Variants in DBNL observed in about 807,000 individuals in gnomAD.
The protein encoded by DBNL is drebrin-like protein.
Under a neutral mutation model 62.2 loss-of-function variants are expected in DBNL, and 35 were observed. The ratio of observed to expected loss-of-function variants is 0.56; its 90% CI spans 0.43 to 0.75. The LOEUF is 0.75. Ranked by LOEUF, DBNL falls within the 30% of genes least tolerant of loss-of-function variation. DBNL has a pLI of 0.00. For missense variants in DBNL, 495 were observed against 578.4 expected (o/e 0.86, Z 1.48); for synonymous variants, 197 against 218.0 (o/e 0.90, Z 0.85).
intron 2 of DBNL, chr7:44,050,763 C>CTCTGAT (rs2128790365): frequency 6.3e-6 from 1 of 159,462 alleles, no homozygotes; most frequent in East Asian, 1.8e-4. Flanking sequence ...TCTTGGCCAG[C>CTCTGAT]ACAGAGCAGA....
chr7:44,063,263 G>T lies in DBNL; in HGVS notation c.*2347G>T. On this transcript the variant is annotated 3_prime_UTR_variant, in exon 13 of 13. Coordinates refer to ENST00000448521, the MANE Select transcript of DBNL (RefSeq NM_001014436.3). ...GGTCAGGAAGGGACACTCACCCTTT[G>T]TTTTTTTTTTTTCTTTTCTTTTTCT... is the stretch of plus-strand genomic sequence containing the variant. The T allele has an allele frequency of 1.5e-5, 5 of 344,232 alleles. No individual in the cohort carries two copies. Among genetic ancestry groups the T allele is most frequent in the South Asian group, 6.4e-5 (2 of 31,352 alleles). 21.3% of individuals were successfully genotyped at this position (344,232 alleles called of 1,614,324 possible).
chr7:44,048,279 TG>T (rs2096120787), intron 1 of DBNL, among the ~76,000 whole-genome samples: 1 of 152,262 alleles, frequency 6.6e-6, no homozygotes, highest in Admixed American at 6.5e-5. Context: ...TGTGCCAGCT[TG>T]CTATCTTCTG....
At chr7:44,045,235 T>G (rs2128787899) in intron 1 of DBNL, among the ~76,000 whole-genome samples, 1 of 152,314 alleles carries the variant, frequency 6.6e-6, no homozygotes, top group Admixed American at 6.5e-5. Context: ...CACGCCCGGT[T>G]TTTTTGCAAA....
Position 44,064,797 on chromosome 7 carries a change from A to ACCCCCCCCCCCCCCGCCCCAGAAAGTGGG in DBNL, c.*3884_*3885insCCCCCCCCCCCGCCCCAGAAAGTGGGCCC. ...GAGAAGCCAGCTGGGGCTGCTGCCC[A>ACCCCCCCCCCCCCCGCCCCAGAAAGTGGG]CCCACCCTGCCCAGGCTCCTGAAGG... On this transcript the variant is annotated 3_prime_UTR_variant, in exon 13 of 13. Transcript: ENST00000448521. 1 of 633,308 alleles carries ACCCCCCCCCCCCCCGCCCCAGAAAGTGGG rather than the reference A, an allele frequency of 1.6e-6. No homozygotes were observed. Among genetic ancestry groups the ACCCCCCCCCCCCCCGCCCCAGAAAGTGGG allele is most frequent in the East Asian group, 4.3e-5 (1 of 23,160 alleles). 39.2% of individuals were successfully genotyped at this position (633,308 alleles called of 1,614,324 possible). A position where few individuals can be genotyped will look rare whatever the true frequency, so the allele number is the denominator to read the frequency against.
chr7:44,062,879 A>G lies in DBNL; in HGVS notation c.*1963A>G, dbSNP rs761976600. The G allele has an allele frequency of 9.3e-6, 15 of 1,614,020 alleles. No homozygotes were observed. In the East Asian group the frequency reaches 3.1e-4, roughly 34 times the overall value. On this transcript the variant is annotated 3_prime_UTR_variant, in exon 13 of 13. Transcript: ENST00000448521. ...CAGCTCCTTGTTCAGCTCATACACA[A>G]TGGGGATCCCCGTGGGCAGGTTCAG...
At chr7:44,053,034 T>A (rs2096129418) in intron 4 of DBNL, 93 bp downstream of exon 4, 1 of 1,483,516 alleles carries the variant, frequency 6.7e-7, no homozygotes, top group East Asian at 2.4e-5. Context: ...GAATCAGAAC[T>A]GGAGTTGGGA....
rs746911464 is a variant in DBNL at position 44,060,836 on chromosome 7, G to A, written c.1213G>A (p.Asp405Asn). 1.9e-6 allele frequency: 3 copies of A among 1,613,890 alleles called. No homozygotes were observed. The highest frequency in any genetic ancestry group is 1.3e-5 in the African/African-American group (1 of 74,876). ...CCTCATCACGGGCATCGAGGTGATCGACGAAGGCTGGTGGCGTGGCTATGG... is the reference window on the plus strand; with the variant it reads ...CCTCATCACGGGCATCGAGGTGATCAACGAAGGCTGGTGGCGTGGCTATGG... ...ENLITGIEVI[D>N]EGWWRGYGPD... The change falls in exon 13 of 13, where the codon GAC becomes AAC. Residue 405 changes from aspartate to asparagine, a missense_variant. Transcript: ENST00000448521. The surrounding 1 kb of genome is among the most constrained non-coding windows in gnomAD (Gnocchi z 6.3).
rs758628928 is a variant in DBNL at position 44,058,467 on chromosome 7, A to G, written c.740A>G (p.Asn247Ser). 1 of 1,614,140 alleles carries G rather than the reference A, an allele frequency of 6.2e-7. No homozygotes were observed. Among genetic ancestry groups the G allele is most frequent in the South Asian group, 1.1e-5 (1 of 91,082 alleles). The change falls in exon 8 of 13, where the codon AAC becomes AGC. Residue 247 changes from asparagine to serine, a missense_variant. Coordinates refer to ENST00000448521, the MANE Select transcript of DBNL (RefSeq NM_001014436.3). ...CAGCAGCAAGAAGTGGTTTCAAGGA[A>G]CCGAAATGAGCAGGTAAGATGGGGG... ...WEQQQEVVSR[N>S]RNEQESAVHP...
intron 1 of DBNL, among the ~76,000 whole-genome samples, chr7:44,045,853 A>G (rs945294306): frequency 7.9e-5 from 12 of 152,164 alleles, no homozygotes; most frequent in Admixed American, 7.2e-4. Context: ...TTAGAACACC[A>G]GTTGCTTGGT....
At position 44,061,121 on chromosome 7, in the gene DBNL, AT is replaced by A; in HGVS notation, c.*206del. 1.5e-6 allele frequency: 1 copy of A among 667,318 alleles called. No homozygotes were observed. The highest frequency in any genetic ancestry group is 3.0e-5 in the East Asian group (1 of 33,494). The allele number at this position is 667,318 out of a possible 1,614,324, so 41.3% of individuals were successfully genotyped here. On this transcript the variant is annotated 3_prime_UTR_variant, in exon 13 of 13. Coordinates refer to ENST00000448521, the MANE Select transcript of DBNL (RefSeq NM_001014436.3). ...GGTGATTCCCACACATCCTTCCTGC[AT>A]CCCCCGACCCTCCCAGACAGCTTGG...
chr7:44,053,923 G>A (rs181551978), intron 4 of DBNL, among the ~76,000 whole-genome samples: 33 of 152,184 alleles, frequency 2.2e-4, no homozygotes, highest in African/African-American at 7.5e-4. Flanking sequence ...TGATTTGCCC[G>A]CCTTGGCCTC....
Position 44,044,826 on chromosome 7 carries a change from C to A in DBNL, c.83+6C>A. ...GAGAAGTCCCCGACCGACTGGTGGGCGGCGAGACGGGCCAGGGTCGGGCCA... is the reference window on the plus strand; with the variant it reads ...GAGAAGTCCCCGACCGACTGGTGGGAGGCGAGACGGGCCAGGGTCGGGCCA... On this transcript the variant is annotated splice_donor_region_variant and intron_variant, in intron 1 of 12. Transcript: ENST00000448521. The A allele has an allele frequency of 5.5e-6, 8 of 1,460,044 alleles. No individual in the cohort carries two copies. Among genetic ancestry groups the A allele is most frequent in the Non-Finnish European group, 6.3e-6 (7 of 1,103,512 alleles). The allele number at this position is 1,460,044 out of a possible 1,614,324, so 90.4% of individuals were successfully genotyped here.
At chr7:44,058,776 G>T in intron 8 of DBNL, 126 bp from the exon 9 acceptor site, 1 of 1,054,778 alleles carries the variant, frequency 9.5e-7, no homozygotes, top group Non-Finnish European at 1.4e-6. Context: ...CTGAGAACAT[G>T]TTTTGCCTCC....
rs1461216981 is a variant in DBNL at position 44,063,637 on chromosome 7, G to C, written c.*2721G>C. The C allele has an allele frequency of 6.4e-6, 1 of 155,654 alleles. No homozygotes were observed. Among genetic ancestry groups the C allele is most frequent in the Non-Finnish European group, 1.4e-5 (1 of 70,096 alleles). The allele number at this position is 155,654 out of a possible 1,614,324, so 9.6% of individuals were successfully genotyped here. ...ACATCCTGAACAGAGGAGCAAGTGCGGAATGGAGCTGGAGGAGGGACAGGG... is the reference window on the plus strand; with the variant it reads ...ACATCCTGAACAGAGGAGCAAGTGCCGAATGGAGCTGGAGGAGGGACAGGG... On this transcript the variant is annotated 3_prime_UTR_variant, in exon 13 of 13. Transcript: ENST00000448521.
Position 44,053,917 on chromosome 7 carries a change from T to C in DBNL, c.327+976T>C, listed in dbSNP as rs540046353. Reference sequence around the variant, plus strand: ...GGTCTCGATCTCCTGACCTCGTGATTTGCCCGCCTTGGCCTCCCAAAGTGC... The same window carrying C: ...GGTCTCGATCTCCTGACCTCGTGATCTGCCCGCCTTGGCCTCCCAAAGTGC... On this transcript the variant is annotated intron_variant, in intron 4 of 12. Coordinates refer to ENST00000448521, the MANE Select transcript of DBNL (RefSeq NM_001014436.3). Among the ~76,000 whole-genome samples, 1,069 of 152,222 alleles carry C rather than the reference T, an allele frequency of 7.0e-3. 8 individuals carry two copies. Among genetic ancestry groups the C allele is most frequent in the African/African-American group, 0.025 (1,019 of 41,518 alleles).
At position 44,061,012 on chromosome 7, in the gene DBNL, A is replaced by G. The variant is rs767307616; in HGVS notation, c.*96A>G. 5.3e-5 allele frequency: 79 copies of G among 1,485,874 alleles called. 1 individual carries two copies. Among genetic ancestry groups the G allele is most frequent in the Non-Finnish European group, 6.4e-5 (71 of 1,112,972 alleles). 92.0% of individuals were successfully genotyped at this position (1,485,874 alleles called of 1,614,324 possible). ...GTTGACATTCAGCACTCTTCCAGGA[A>G]TAGGACCCCCAGTGAGGATGAGGCC... On this transcript the variant is annotated 3_prime_UTR_variant, in exon 13 of 13. Coordinates refer to ENST00000448521, the MANE Select transcript of DBNL (RefSeq NM_001014436.3).
intron 5 of DBNL, among the ~76,000 whole-genome samples, chr7:44,057,580 G>A (rs1223183265): frequency 6.6e-6 from 1 of 152,140 alleles, no homozygotes; most frequent in Non-Finnish European, 1.5e-5. Flanking sequence ...TCCCCCTTGG[G>A]GCAGTGTCCT....
rs776089456 is a variant in DBNL, at chr7:44,058,994, C to T, written c.835+11C>T. On this transcript the variant is annotated intron_variant, in intron 9 of 12. Coordinates refer to ENST00000448521, the MANE Select transcript of DBNL (RefSeq NM_001014436.3). ...CCAGTCCTCAGCCTGGTGAGCTCTCCCTTTGGGCCTGGCCATGAGGCAGCA... is the reference window on the plus strand; with the variant it reads ...CCAGTCCTCAGCCTGGTGAGCTCTCTCTTTGGGCCTGGCCATGAGGCAGCA... The T allele has an allele frequency of 6.2e-7, 1 of 1,613,748 alleles. No homozygotes were observed. Among genetic ancestry groups the T allele is most frequent in the Non-Finnish European group, 8.5e-7 (1 of 1,179,854 alleles).
At position 44,058,986 on chromosome 7, in the gene DBNL, G is replaced by A. The variant is rs770290774; in HGVS notation, c.835+3G>A. 1 of 1,613,796 alleles carries A rather than the reference G, an allele frequency of 6.2e-7. No homozygotes were observed. Among genetic ancestry groups the A allele is most frequent in the African/African-American group, 1.3e-5 (1 of 74,884 alleles). ...CTCCATCTCCAGTCCTCAGCCTGGT[G>A]AGCTCTCCCTTTGGGCCTGGCCATG... On this transcript the variant is annotated splice_donor_region_variant and intron_variant, in intron 9 of 12. Coordinates refer to ENST00000448521, the MANE Select transcript of DBNL (RefSeq NM_001014436.3).
Sources: gnomAD v4.1 joint callset for allele counts (sites outside exome capture counted in the v4.1 genomes callset) on GRCh38, gnomAD v4.1.1 for gene constraint, Gnocchi (gnomAD v3.1) non-coding constraint, MANE v1.5 for transcripts, NCBI Gene and HGNC (gene_info 2026-07-23, HGNC 2026-07-21) for gene names.